The following HS6ST3 variants were observed in gnomAD, a reference collection of about 807,000 sequenced individuals.
HS6ST3 encodes the protein heparan sulfate 6-O-sulfotransferase 3, also known as heparan-sulfate 6-O-sulfotransferase 3.
A neutral mutation model predicts 36.7 loss-of-function variants in HS6ST3; 12 were observed. That is an observed-to-expected ratio of 0.33 (90% CI 0.21 to 0.53). The LOEUF (loss-of-function observed/expected upper bound fraction) is 0.53, where lower values mean the gene tolerates loss of function less well. Ranked by LOEUF, HS6ST3 falls within the 20% of genes least tolerant of loss-of-function variation. The pLI is 0.95. For synonymous variants in HS6ST3, 240 were observed against 257.5 expected, an observed-to-expected ratio of 0.93 and a Z score of 0.65; for missense variants, 584 against 640.9, an observed-to-expected ratio of 0.91 and a Z score of 0.96.
At chr13:96,295,806 A>C (rs1328745162) in intron 1 of HS6ST3, among the ~76,000 whole-genome samples, 1 of 152,106 alleles carries the variant, frequency 6.6e-6, no homozygotes, top group Non-Finnish European at 1.5e-5. Context: ...TGGAACAGGA[A>C]ACATCAAGGT....
At chr13:96,504,780 C>A (rs1307972828) in intron 1 of HS6ST3, among the ~76,000 whole-genome samples, 1 of 151,978 alleles carries the variant, frequency 6.6e-6, no homozygotes, top group Non-Finnish European at 1.5e-5. Flanking sequence ...GTGATATCAG[C>A]AAGTTAAGAG....
At chr13:96,177,994 G>C (rs947830604) in intron 1 of HS6ST3, among the ~76,000 whole-genome samples, 2 of 152,068 alleles carry the variant, frequency 1.3e-5, no homozygotes, top group African/African-American at 4.8e-5. Context: ...GGAGGACTGT[G>C]ATTTAGGTAT....
intron 1 of HS6ST3, among the ~76,000 whole-genome samples, chr13:96,678,987 A>C (rs2056708855): frequency 6.6e-6 from 1 of 151,500 alleles, no homozygotes; most frequent in African/African-American, 2.4e-5. Context: ...CCCCAACCTC[A>C]CCCTGGGTGT....
At chr13:96,637,590 G>A (rs2056554317) in intron 1 of HS6ST3, among the ~76,000 whole-genome samples, 1 of 152,088 alleles carries the variant, frequency 6.6e-6, no homozygotes, top group African/African-American at 2.4e-5. Flanking sequence ...GAACAAGGCA[G>A]GTGATAGATG....
intron 1 of HS6ST3, among the ~76,000 whole-genome samples, chr13:96,463,233 T>C (rs2055794029): frequency 6.6e-6 from 1 of 152,160 alleles, no homozygotes; most frequent in Non-Finnish European, 1.5e-5. Context: ...TACAGGCTTA[T>C]TTAAATCTAT....
At chr13:96,305,011 T>C (rs1275515902) in intron 1 of HS6ST3, among the ~76,000 whole-genome samples, 1 of 152,066 alleles carries the variant, frequency 6.6e-6, no homozygotes, top group Non-Finnish European at 1.5e-5. Context: ...GTTTTTCTAA[T>C]GATTTTCCTG....
At chr13:96,322,841 G>A (rs1283835761) in intron 1 of HS6ST3, among the ~76,000 whole-genome samples, 1 of 152,172 alleles carries the variant, frequency 6.6e-6, no homozygotes, top group Admixed American at 6.5e-5. Flanking sequence ...AAATCCGATG[G>A]TCAGTGGTCA....
intron 1 of HS6ST3, among the ~76,000 whole-genome samples, chr13:96,711,096 G>A (rs1010406697): frequency 2.0e-5 from 3 of 152,028 alleles, no homozygotes; most frequent in African/African-American, 4.8e-5. Flanking sequence ...CACCTGCCTC[G>A]TCCAAAATGA....
intron 1 of HS6ST3, among the ~76,000 whole-genome samples, chr13:96,762,582 T>C (rs1357473794): frequency 6.6e-6 from 1 of 152,184 alleles, no homozygotes; most frequent in Non-Finnish European, 1.5e-5. Flanking sequence ...ATGGCTTCAG[T>C]TGTACTAATC....
At chr13:96,716,560 T>C (rs1053939076) in intron 1 of HS6ST3, among the ~76,000 whole-genome samples, 1 of 152,140 alleles carries the variant, frequency 6.6e-6, no homozygotes, top group African/African-American at 2.4e-5. Context: ...ACTGCAATAT[T>C]TGTCTATCAT....
intron 1 of HS6ST3, among the ~76,000 whole-genome samples, chr13:96,330,661 T>G (rs1369393894): frequency 6.7e-6 from 1 of 148,562 alleles, no homozygotes; most frequent in African/African-American, 2.5e-5. Context: ...ATTATGTGTC[T>G]TGGAGTTGCT....
chr13:96,434,560 G>A (rs2055632162), intron 1 of HS6ST3, among the ~76,000 whole-genome samples: 1 of 152,082 alleles, frequency 6.6e-6, no homozygotes, highest in African/African-American at 2.4e-5. Context: ...AGGGCACCAG[G>A]ACGTATTTCA....
rs1226142668 is a variant in HS6ST3 at position 96,544,593 on chromosome 13, T to C, written c.708-287897T>C. The stretch of plus-strand genomic sequence containing the variant: ...AAAATGTAAATCATTATTACCTTTA[T>C]TTTATTCAAGTTATTATTATGATCT... On this transcript the variant is annotated intron_variant, in intron 1 of 1. Transcript: ENST00000376705. Among the ~76,000 whole-genome samples, 4 of 152,230 alleles carry C rather than the reference T, an allele frequency of 2.6e-5. No individual in the cohort carries two copies. In the East Asian group the frequency reaches 5.8e-4, roughly 22 times the overall value.
At chr13:96,726,144 G>T (rs1566439174) in intron 1 of HS6ST3, among the ~76,000 whole-genome samples, 1 of 152,052 alleles carries the variant, frequency 6.6e-6, no homozygotes, top group Non-Finnish European at 1.5e-5. Context: ...CCTATGATAT[G>T]TTTTTAATTC....
At chr13:96,828,567 A>G (rs904851499) in intron 1 of HS6ST3, among the ~76,000 whole-genome samples, 3 of 152,196 alleles carry the variant, frequency 2.0e-5, no homozygotes, top group Non-Finnish European at 2.9e-5. Flanking sequence ...ACTTACTACC[A>G]AGATAATCTT....
chr13:96,363,307 A>G (rs1336441642), intron 1 of HS6ST3, among the ~76,000 whole-genome samples: 3 of 146,082 alleles, frequency 2.1e-5, no homozygotes, highest in Admixed American at 2.0e-4. Flanking sequence ...TTTTTTTGCA[A>G]CATTCTGTGA....
At chr13:96,816,342 C>G (rs1020030116) in intron 1 of HS6ST3, among the ~76,000 whole-genome samples, 2 of 152,192 alleles carry the variant, frequency 1.3e-5, no homozygotes, top group Non-Finnish European at 2.9e-5. Context: ...ACCAGTGACT[C>G]TAAAAGTCCT....
chr13:96,143,367 G>T (rs1332807277), intron 1 of HS6ST3, among the ~76,000 whole-genome samples: 1 of 149,496 alleles, frequency 6.7e-6, no homozygotes, highest in Non-Finnish European at 1.5e-5. Flanking sequence ...AAACTACCTT[G>T]TCTGTTAAAA....
Position 96,384,902 on chromosome 13 carries a change from G to A in HS6ST3, c.707+293333G>A, listed in dbSNP as rs781654294. Among the ~76,000 whole-genome samples, 16 of 152,168 alleles carry A rather than the reference G, an allele frequency of 1.1e-4. No homozygotes were observed. The East Asian group carries it at 1.6e-3, about 15-fold the overall frequency. On this transcript the variant is annotated intron_variant, in intron 1 of 1. Coordinates refer to ENST00000376705, the MANE Select transcript of HS6ST3 (RefSeq NM_153456.4). ...ATACTCTTAAAAGGGTTCTTTGGCC[G>A]GGCACAGTGACTCACGCCTGTAATC...
Sources: allele counts gnomAD v4.1 joint callset (sites outside exome capture counted in the v4.1 genomes callset), GRCh38; gene constraint gnomAD v4.1.1; transcripts MANE v1.5; gene names NCBI Gene and HGNC (gene_info 2026-07-23, HGNC 2026-07-21).